ZNF365: variants seen among roughly 807,000 people sequenced by gnomAD.
ZNF365 encodes the protein zinc finger protein 365.
ZNF365 carries 22 observed loss-of-function variants against 35.0 expected under a neutral mutation model. The ratio of observed to expected loss-of-function variants is 0.63; its 90% CI spans 0.45 to 0.90. The LOEUF (loss-of-function observed/expected upper bound fraction) is 0.90. ZNF365 is among the 40% of genes least tolerant of loss of function. The pLI, the probability that ZNF365 is intolerant of heterozygous loss-of-function variation, is 0.00. For missense variants in ZNF365, 448 were observed against 500.3 expected (o/e 0.90, Z 1.00); for synonymous variants, 188 against 196.2 (o/e 0.96, Z 0.35).
At chr10:62,465,570 A>C (rs978254878) in intron 4 of ZNF365, among the ~76,000 whole-genome samples, 4 of 152,060 alleles carry the variant, frequency 2.6e-5, no homozygotes, top group African/African-American at 9.7e-5. Context: ...ACCAATCAGC[A>C]TGCACTTTTT....
intron 2 of ZNF365, among the ~76,000 whole-genome samples, chr10:62,386,918 G>T (rs1057375042): frequency 3.3e-5 from 5 of 152,178 alleles, no homozygotes; most frequent in Non-Finnish European, 7.3e-5. Context: ...TAGCATTCAC[G>T]AATCAAAATT....
chr10:62,410,864 A>C (rs1589441546), intron 3 of ZNF365, among the ~76,000 whole-genome samples: 1 of 152,150 alleles, frequency 6.6e-6, no homozygotes, highest in Non-Finnish European at 1.5e-5. Context: ...TGTCTTCCAC[A>C]ATGGTTGAAA....
intron 3 of ZNF365, among the ~76,000 whole-genome samples, chr10:62,430,837 G>A (rs982713656): frequency 1.3e-5 from 2 of 152,138 alleles, no homozygotes; most frequent in African/African-American, 2.4e-5. Context: ...CCAAACATAA[G>A]GTACCTGACA....
chr10:62,468,348 G>A (rs565129901), intron 4 of ZNF365, among the ~76,000 whole-genome samples: 2 of 152,252 alleles, frequency 1.3e-5, no homozygotes, highest in African/African-American at 2.4e-5. Flanking sequence ...AAATGTTCAT[G>A]GAAGATGCAT....
downstream of ZNF365, among the ~76,000 whole-genome samples, chr10:62,405,085 C>A (rs1839885665): frequency 6.6e-6 from 1 of 152,154 alleles, no homozygotes; most frequent in South Asian, 2.1e-4. Context: ...ATCTCACCTC[C>A]CTGAATGTGA....
intron 4 of ZNF365, among the ~76,000 whole-genome samples, chr10:62,463,905 A>G (rs1421836492): frequency 1.3e-5 from 2 of 152,218 alleles, no homozygotes; most frequent in Admixed American, 6.5e-5. Flanking sequence ...TCACCCCTCC[A>G]ACGGATGAGA....
At chr10:62,455,769 C>G (rs920586904) in intron 3 of ZNF365, among the ~76,000 whole-genome samples, 1 of 152,020 alleles carries the variant, frequency 6.6e-6, no homozygotes, top group African/African-American at 2.4e-5. Flanking sequence ...TCACAGCAAC[C>G]TTGTGAGAAA....
At chr10:62,432,396 A>T (rs1226204886) in intron 3 of ZNF365, among the ~76,000 whole-genome samples, 2 of 152,194 alleles carry the variant, frequency 1.3e-5, no homozygotes, top group Admixed American at 6.5e-5. Context: ...AATCTTCCAT[A>T]GCAGGAAGCA....
intron 3 of ZNF365, among the ~76,000 whole-genome samples, chr10:62,438,180 T>A (rs1840436693): frequency 6.7e-6 from 1 of 148,820 alleles, no homozygotes; most frequent in South Asian, 2.1e-4. Context: ...AGTATTTTCT[T>A]GTTTTTGTTT....
intron 2 of ZNF365, among the ~76,000 whole-genome samples, chr10:62,383,357 G>A (rs1250674392): frequency 6.6e-6 from 1 of 152,174 alleles, no homozygotes; most frequent in Non-Finnish European, 1.5e-5. Context: ...GCCATGTCAT[G>A]TACACCTGGG....
chr10:62,448,797 A>G (rs1033983008), intron 3 of ZNF365, among the ~76,000 whole-genome samples: 38 of 152,214 alleles, frequency 2.5e-4, no homozygotes, highest in African/African-American at 8.2e-4. Context: ...TTGCACAGAT[A>G]CTAGCATCTT....
intron 4 of ZNF365, among the ~76,000 whole-genome samples, chr10:62,465,681 T>A (rs756006118): frequency 6.6e-6 from 1 of 152,206 alleles, no homozygotes; most frequent in Non-Finnish European, 1.5e-5. Flanking sequence ...AGAGCTGTTC[T>A]GCAGCTCAGT....
chr10:62,462,962 A>C (rs1840871956), intron 4 of ZNF365, among the ~76,000 whole-genome samples: 1 of 152,208 alleles, frequency 6.6e-6, no homozygotes, highest in African/African-American at 2.4e-5. Flanking sequence ...TCATGTCAGC[A>C]GTGGGAAGCC....
chr10:62,399,520 C>A lies in ZNF365; in HGVS notation c.963-8C>A. On this transcript the variant is annotated splice_polypyrimidine_tract_variant and splice_region_variant and intron_variant, in intron 4 of 4. Transcript: ENST00000395254. ...CTCTTCTCCACTCCCCCCTCCAACC[C>A]TCTGTAGAAGCCGAGGGCACCCGCA... The A allele has an allele frequency of 6.2e-7, 1 of 1,613,698 alleles. No individual in the cohort carries two copies. The highest frequency in any genetic ancestry group is 8.5e-7 in the Non-Finnish European group (1 of 1,179,720).
At chr10:62,478,427 A>G (rs1841167101) in intron 4 of ZNF365, among the ~76,000 whole-genome samples, 1 of 152,300 alleles carries the variant, frequency 6.6e-6, no homozygotes, top group East Asian at 1.9e-4. Context: ...GCTCTATCCT[A>G]TGGGAAGTCT....
intron 4 of ZNF365, among the ~76,000 whole-genome samples, chr10:62,469,276 C>G (rs372766113): frequency 6.6e-6 from 1 of 152,194 alleles, no homozygotes; most frequent in African/African-American, 2.4e-5. Flanking sequence ...CTACTCATTC[C>G]TCTCATCAAA....
At chr10:62,393,316 G>A (rs188384721) in intron 3 of ZNF365, among the ~76,000 whole-genome samples, 24 of 152,288 alleles carry the variant, frequency 1.6e-4, no homozygotes, top group Admixed American at 3.9e-4. Flanking sequence ...TAGCCTAGTC[G>A]TTTATTGTCA....
intron 2 of ZNF365, among the ~76,000 whole-genome samples, chr10:62,385,738 A>G (rs1839514426): frequency 6.6e-6 from 1 of 152,206 alleles, no homozygotes; most frequent in Non-Finnish European, 1.5e-5. Flanking sequence ...GTCAAACACA[A>G]ATGTGTTGAG....
intron 2 of ZNF365, among the ~76,000 whole-genome samples, chr10:62,386,344 C>T (rs909132933): frequency 6.6e-6 from 1 of 152,144 alleles, no homozygotes; most frequent in African/African-American, 2.4e-5. Flanking sequence ...AAACTTGAAA[C>T]TTGACGATGA....
Sources: allele counts gnomAD v4.1 joint callset (sites outside exome capture counted in the v4.1 genomes callset), GRCh38; gene constraint gnomAD v4.1.1; transcripts MANE v1.5; gene names NCBI Gene and HGNC (gene_info 2026-07-23, HGNC 2026-07-21).